Variants in KIAA1217 observed in about 807,000 individuals in gnomAD.
KIAA1217 encodes sickle tail protein homolog.
Under a neutral mutation model 163.9 loss-of-function variants are expected in KIAA1217, and 88 were observed. The ratio of observed to expected loss-of-function variants is 0.54; its 90% CI spans 0.45 to 0.64. The LOEUF is 0.64. Among genes scored for constraint, KIAA1217 ranks in the 30% least tolerant of loss-of-function variants. The probability of loss-of-function intolerance (pLI) is 0.00; values close to 1 mark genes in which losing one functional copy is unlikely to be tolerated. For missense variants in KIAA1217, 2,372 were observed against 2,475.0 expected (o/e 0.96, Z 0.88); for synonymous variants, 903 against 923.1 (o/e 0.98, Z 0.39).
At chr10:23,911,613 G>C (rs966079313) in intron 1 of KIAA1217, among the ~76,000 whole-genome samples, 1 of 152,160 alleles carries the variant, frequency 6.6e-6, no homozygotes, top group African/African-American at 2.4e-5. Flanking sequence ...AATAAAGTTT[G>C]AAGAAGGAAA....
chr10:24,468,577 A>T (rs1438722332), intron 5 of KIAA1217, among the ~76,000 whole-genome samples: 1 of 152,178 alleles, frequency 6.6e-6, no homozygotes, highest in Non-Finnish European at 1.5e-5. Flanking sequence ...ACTCAGATTG[A>T]TGGTGACTCT....
intron 2 of KIAA1217, among the ~76,000 whole-genome samples, chr10:24,199,256 A>G (rs1479291888): frequency 2.0e-5 from 3 of 152,216 alleles, no homozygotes; most frequent in East Asian, 1.9e-4. Flanking sequence ...TTAAATAAAC[A>G]AAACATTTTA....
chr10:24,051,370 T>C (rs916027452), intron 2 of KIAA1217, among the ~76,000 whole-genome samples: 2 of 152,210 alleles, frequency 1.3e-5, no homozygotes, highest in Non-Finnish European at 2.9e-5. Context: ...TAAACATCCA[T>C]GTGCAAGTGT....
intron 1 of KIAA1217, among the ~76,000 whole-genome samples, chr10:23,716,098 T>G (rs536016469): frequency 6.6e-6 from 1 of 152,182 alleles, no homozygotes; most frequent in Non-Finnish European, 1.5e-5. Flanking sequence ...TGACTAACGC[T>G]GCATGCAAGA....
At chr10:23,809,255 A>T (rs1424976329) in intron 1 of KIAA1217, among the ~76,000 whole-genome samples, 1 of 152,070 alleles carries the variant, frequency 6.6e-6, no homozygotes, top group African/African-American at 2.4e-5. Flanking sequence ...ATATTTAAGA[A>T]AAAAGACGCA....
Position 23,913,101 on chromosome 10 carries a change from G to A in KIAA1217, c.-320-94124G>A, listed in dbSNP as rs1052956065. Among the ~76,000 whole-genome samples the A allele has an allele frequency of 2.6e-5, 4 of 152,160 alleles. No individual in the cohort carries two copies. The South Asian group carries it at 8.3e-4, about 32-fold the overall frequency. ...ACAAAGGTCACCCTGCGGGTAACTT[G>A]TCTTCTACTAAGACAGCCTGTGAGT... On this transcript the variant is annotated intron_variant, in intron 1 of 18. Coordinates refer to the KIAA1217 transcript ENST00000376462.
intron 5 of KIAA1217, among the ~76,000 whole-genome samples, chr10:24,443,329 G>A (rs976202007): frequency 6.6e-6 from 1 of 152,214 alleles, no homozygotes; most frequent in Non-Finnish European, 1.5e-5. Context: ...CAGCCAGAGA[G>A]TAGCAGAACA....
intron 1 of KIAA1217, among the ~76,000 whole-genome samples, chr10:23,856,870 A>T (rs185049498): frequency 6.6e-6 from 1 of 152,342 alleles, no homozygotes; most frequent in East Asian, 1.9e-4. Flanking sequence ...GGAAAAGCGC[A>T]GTATTAGGGT....
intron 1 of KIAA1217, among the ~76,000 whole-genome samples, chr10:23,857,742 C>G (rs892964912): frequency 6.6e-6 from 1 of 151,990 alleles, no homozygotes; most frequent in Non-Finnish European, 1.5e-5. Context: ...AGTGGGGAAT[C>G]TTTTCTTGAG....
chr10:24,225,062 T>C (rs1023513108), intron 2 of KIAA1217, among the ~76,000 whole-genome samples: 2 of 152,128 alleles, frequency 1.3e-5, no homozygotes, highest in African/African-American at 4.8e-5. Flanking sequence ...CCTGACATTG[T>C]GATCTGCCCG....
At chr10:24,029,208 C>A (rs1848091902) in intron 2 of KIAA1217, among the ~76,000 whole-genome samples, 1 of 152,074 alleles carries the variant, frequency 6.6e-6, no homozygotes, top group Non-Finnish European at 1.5e-5. Context: ...CAAAAACAGA[C>A]CTTAAGGACC....
chr10:24,433,031 A>G lies in KIAA1217; in HGVS notation c.590A>G (p.Gln197Arg), dbSNP rs1422299954. ...CTCCAGTATGGAGATGAAACCAAGC[A>G]GCTCAGGATGCCGAATGAAATCACA... ...LYLQYGDETKQLRMPNEITSA... is the reference protein window; with the variant it reads ...LYLQYGDETKRLRMPNEITSA... The change falls in exon 4 of 21, where the codon CAG (glutamine) becomes CGG (arginine). Residue 197 changes from glutamine (Q) to arginine (R), a missense_variant. By Grantham distance (43) the Gln-to-Arg change is conservative (BLOSUM62 1). This residue lies in a region of KIAA1217 where 1,431 missense variants were observed against 1,470.3 expected (regional missense o/e 0.97). Coordinates refer to ENST00000376454, the MANE Select transcript of KIAA1217 (RefSeq NM_019590.5). 6.8e-6 allele frequency: 11 copies of G among 1,614,136 alleles called. No homozygotes were observed. The highest frequency in any genetic ancestry group is 9.3e-6 in the Non-Finnish European group (11 of 1,180,010).
intron 5 of KIAA1217, 104 bp downstream of exon 5, chr10:24,438,583 G>A (rs2060247509): frequency 2.6e-6 from 2 of 762,134 alleles, no homozygotes; most frequent in Admixed American, 4.0e-5. Flanking sequence ...GAGTTTTGGA[G>A]GGTTCTCCGC....
chr10:24,351,270 G>C (rs1414681), intron 2 of KIAA1217, among the ~76,000 whole-genome samples: 2 of 151,964 alleles, frequency 1.3e-5, no homozygotes, highest in East Asian at 3.9e-4. Context: ...TCTTGTAAAC[G>C]AATTTTTGGG....
At chr10:24,484,241 A>ATATATATATTTTTTTTTTT (rs1376083298) in intron 6 of KIAA1217, among the ~76,000 whole-genome samples, 9 of 75,156 alleles carry the variant, frequency 1.2e-4, no homozygotes, top group East Asian at 4.6e-4. Flanking sequence ...ATATATATAT[A>ATATATATATTTTTTTTTTT]TTTTTTTTTT....
chr10:24,255,634 C>T (rs368119910), intron 2 of KIAA1217: 2 of 427,578 alleles, frequency 4.7e-6, no homozygotes, highest in South Asian at 1.7e-5. Context: ...TCCCTGCCCC[C>T]CCTGGGGTCC....
At chr10:23,996,125 C>T (rs187296583) in intron 1 of KIAA1217, among the ~76,000 whole-genome samples, 64 of 151,892 alleles carry the variant, frequency 4.2e-4, no homozygotes, top group Admixed American at 1.4e-3. Flanking sequence ...CCTTTTTTGC[C>T]CACTTCTAGC....
intron 1 of KIAA1217, among the ~76,000 whole-genome samples, chr10:23,929,763 C>T (rs1329577576): frequency 2.0e-5 from 3 of 152,146 alleles, no homozygotes; most frequent in African/African-American, 7.2e-5. Flanking sequence ...CTGCAATAAA[C>T]GTATGAATGT....
intron 1 of KIAA1217, among the ~76,000 whole-genome samples, chr10:23,900,908 C>G (rs1297638439): frequency 6.6e-6 from 1 of 151,992 alleles, no homozygotes; most frequent in African/African-American, 2.4e-5. Context: ...AACACATATC[C>G]TAAAGCTTCA....
Sources: gnomAD v4.1 joint callset for allele counts (sites outside exome capture counted in the v4.1 genomes callset) on GRCh38, gnomAD v4.1.1 for gene constraint, gnomAD v4.1.1 regional missense constraint, MANE v1.5 for transcripts, NCBI Gene and HGNC (gene_info 2026-07-23, HGNC 2026-07-21) for gene names.